NADK2: variants seen among roughly 807,000 people sequenced by gnomAD.
The protein encoded by NADK2 is NAD kinase domain-containing protein 1, mitochondrial.
In NADK2, 35 loss-of-function variants were observed where a neutral mutation model predicts 62.1. The observed-to-expected ratio is 0.56, with a 90% confidence interval of 0.43 to 0.75. NADK2 has a LOEUF of 0.75. Among genes scored for constraint, NADK2 ranks in the 30% least tolerant of loss-of-function variants. The probability of loss-of-function intolerance (pLI) is 0.00; values close to 1 mark genes in which losing one functional copy is unlikely to be tolerated. For missense variants in NADK2, 439 were observed against 561.3 expected, an observed-to-expected ratio of 0.78 and a Z score of 2.20; for synonymous variants, 205 against 207.9, an observed-to-expected ratio of 0.99 and a Z score of 0.12.
At position 36,227,490 on chromosome 5, in the gene NADK2, TA is replaced by T; in HGVS notation, c.375del (p.Ile126Ter). The T allele has an allele frequency of 6.5e-7, 1 of 1,531,116 alleles. No homozygotes were observed. Among genetic ancestry groups the T allele is most frequent in the Non-Finnish European group, 8.8e-7 (1 of 1,137,142 alleles). The allele number at this position is 1,531,116 out of a possible 1,614,324, so 94.8% of individuals were successfully genotyped here. ...CCATAGACTTACCGTAAACTATCTATAATATGTTCTACATTTTTGGTGTGAA... is the reference window on the plus strand; with the variant it reads ...CCATAGACTTACCGTAAACTATCTATATATGTTCTACATTTTTGGTGTGAA... Reference protein sequence around the residue: ...HHIHTKNVEHIIDSLRNEGIE... With the variant: ...HHIHTKNVEHXIDSLRNEGIE... On this transcript the variant is annotated frameshift_variant, in exon 2 of 12. Coordinates refer to ENST00000381937, the MANE Select transcript of NADK2 (RefSeq NM_001085411.3). LOFTEE classifies it high-confidence loss of function.
intron 8 of NADK2, among the ~76,000 whole-genome samples, chr5:36,203,780 C>G (rs1746533727): frequency 6.6e-6 from 1 of 152,072 alleles, no homozygotes. Context: ...ACACCCCTCC[C>G]CAGACAGAAG....
At chr5:36,236,452 GT>G (rs1747910836) in intron 1 of NADK2, among the ~76,000 whole-genome samples, 1 of 152,308 alleles carries the variant, frequency 6.6e-6, no homozygotes, top group South Asian at 2.1e-4. Context: ...TTGGGCTCAT[GT>G]TTTTCAAAGA....
intron 7 of NADK2, among the ~76,000 whole-genome samples, chr5:36,210,089 A>C (rs1746783698): frequency 1.3e-5 from 2 of 152,196 alleles, no homozygotes; most frequent in South Asian, 4.1e-4. Flanking sequence ...TGGAACTCTT[A>C]GTAAACTAGG....
intron 1 of NADK2, among the ~76,000 whole-genome samples, chr5:36,229,751 A>G (rs1053240856): frequency 6.6e-6 from 1 of 150,880 alleles, no homozygotes; most frequent in Non-Finnish European, 1.5e-5. Flanking sequence ...TTGGCTATCT[A>G]ACAGGCACCT....
intron 4 of NADK2, among the ~76,000 whole-genome samples, chr5:36,223,684 C>CTTAG (rs1747362714): frequency 6.6e-6 from 1 of 152,074 alleles, no homozygotes; most frequent in Non-Finnish European, 1.5e-5. Flanking sequence ...TATCACTGAT[C>CTTAG]TCTAAGGCAA....
Position 36,241,514 on chromosome 5 carries a change from C to T in NADK2, c.285G>A (p.Glu95=), listed in dbSNP as rs777112634. 81 of 1,562,622 alleles carry T rather than the reference C, an allele frequency of 5.2e-5. No homozygotes were observed. The highest frequency in any genetic ancestry group is 3.0e-4 in the Admixed American group (17 of 56,728). ...CAGGACCCACCAGCTGCTTCAGGTC[C>T]TCCTCCGAGAGCTCCGCGTAACGGT... ...QRYRYAELSE[E]DLKQLLALKG... Residue 95 remains glutamate, a synonymous_variant, in exon 1 of 12, where the codon GAG becomes GAA. Coordinates refer to ENST00000381937, the MANE Select transcript of NADK2 (RefSeq NM_001085411.3). The surrounding 1 kb of genome is among the most constrained non-coding windows in gnomAD (Gnocchi z 4.9).
rs760510194 is a variant in NADK2, at chr5:36,195,310, T to C, written c.1191-28A>G. The C allele has an allele frequency of 1.1e-5, 18 of 1,570,456 alleles. No homozygotes were observed. In the Middle Eastern group the frequency reaches 6.8e-4, roughly 60 times the overall value. Reference sequence around the variant, plus strand: ...AGGCAGAAGGAAATATCTCATTAAATAGTAATAGTTTTCTTAATAGGTTAT... The same window carrying C: ...AGGCAGAAGGAAATATCTCATTAAACAGTAATAGTTTTCTTAATAGGTTAT... On this transcript the variant is annotated intron_variant, in intron 11 of 11. Transcript: ENST00000381937.
intron 9 of NADK2, 37 bp from the exon 10 acceptor site, chr5:36,200,317 A>T: frequency 1.4e-6 from 2 of 1,408,560 alleles, no homozygotes; most frequent in Non-Finnish European, 1.9e-6. Context: ...GTATGTTATA[A>T]ATATATATAT....
At chr5:36,220,927 T>C (rs1305528175) in intron 4 of NADK2, 3 of 152,350 alleles carry the variant, frequency 2.0e-5, no homozygotes, top group Non-Finnish European at 2.9e-5. Context: ...CCTCACATCA[T>C]GGTGGCTGTC....
At chr5:36,199,149 T>A (rs1746347165) in intron 10 of NADK2, among the ~76,000 whole-genome samples, 1 of 151,854 alleles carries the variant, frequency 6.6e-6, no homozygotes, top group Non-Finnish European at 1.5e-5. Context: ...CATGTATACA[T>A]ATGTAACAAA....
intron 6 of NADK2, among the ~76,000 whole-genome samples, chr5:36,214,398 T>C (rs2112119567): frequency 6.6e-6 from 1 of 152,310 alleles, no homozygotes; most frequent in South Asian, 2.1e-4. Flanking sequence ...CAGGCTGGTC[T>C]CAAACTCCTG....
intron 5 of NADK2, among the ~76,000 whole-genome samples, chr5:36,218,492 T>C (rs1168975844): frequency 6.6e-6 from 1 of 152,198 alleles, no homozygotes; most frequent in African/African-American, 2.4e-5. Context: ...TATACAAAAA[T>C]ATACTTCCAC....
In NADK2 at chr5:36,194,334, T is replaced by TA. The variant is rs1424160737; in HGVS notation, c.*809dup. ...TACCAAACTCCTAATAGAAAATGTC[T>TA]AATCAGTTCATCCTTTTAGTCCCTG... On this transcript the variant is annotated 3_prime_UTR_variant, in exon 12 of 12. Transcript: ENST00000381937. 2 of 152,322 alleles carry TA rather than the reference T, an allele frequency of 1.3e-5. No individual in the cohort carries two copies. Among genetic ancestry groups the TA allele is most frequent in the South Asian group, 2.1e-4 (1 of 4,834 alleles). The allele number at this position is 152,322 out of a possible 1,614,324, so 9.4% of individuals were successfully genotyped here. A position where few individuals can be genotyped will look rare whatever the true frequency, so the allele number is the denominator to read the frequency against.
rs1157872967 is a variant in NADK2 at position 36,241,329 on chromosome 5, C to G, written c.300+170G>C. 1 of 1,280,736 alleles carries G rather than the reference C, an allele frequency of 7.8e-7. No individual in the cohort carries two copies. Among genetic ancestry groups the G allele is most frequent in the Non-Finnish European group, 1.0e-6 (1 of 994,878 alleles). 79.3% of individuals were successfully genotyped at this position (1,280,736 alleles called of 1,614,324 possible). ...TCTCCCTCGCACACACGCCCAAAGG[C>G]AAAGGAGGCCCAGGGAGAAGCCAGA... is the stretch of plus-strand genomic sequence containing the variant. On this transcript the variant is annotated intron_variant, in intron 1 of 11. Coordinates refer to ENST00000381937, the MANE Select transcript of NADK2 (RefSeq NM_001085411.3). The surrounding 1 kb of genome is among the most constrained non-coding windows in gnomAD (Gnocchi z 4.9).
chr5:36,209,002 G>GATAGC (rs1212424459), intron 7 of NADK2, among the ~76,000 whole-genome samples: 1 of 152,074 alleles, frequency 6.6e-6, no homozygotes, highest in African/African-American at 2.4e-5. Flanking sequence ...CATTAAATGA[G>GATAGC]ATAGCATACA....
Position 36,241,896 on chromosome 5 carries a change from C to G in NADK2, c.-98G>C. The G allele has an allele frequency of 1.0e-6, 1 of 985,936 alleles. No homozygotes were observed. Among genetic ancestry groups the G allele is most frequent in the Non-Finnish European group, 1.2e-6 (1 of 811,250 alleles). 61.1% of individuals were successfully genotyped at this position (985,936 alleles called of 1,614,324 possible). ...CCGTCCGCGCCGCCCGGGCCTCTAACTTCGCGCCGGACGGGCAGAGGTTAA... is the reference window on the plus strand; with the variant it reads ...CCGTCCGCGCCGCCCGGGCCTCTAAGTTCGCGCCGGACGGGCAGAGGTTAA... On this transcript the variant is annotated 5_prime_UTR_variant, in exon 1 of 12. Transcript: ENST00000381937. This position sits in a 1 kb window ranked among gnomAD's most constrained non-coding sequence, Gnocchi z 4.9.
chr5:36,196,797 T>C (rs1022957883), intron 11 of NADK2, among the ~76,000 whole-genome samples: 2 of 152,130 alleles, frequency 1.3e-5, no homozygotes, highest in Non-Finnish European at 2.9e-5. Context: ...AGTACACATC[T>C]GTGGATTAAT....
chr5:36,226,698 C>T, intron 2 of NADK2, 135 bp from the exon 3 acceptor site: 3 of 586,072 alleles, frequency 5.1e-6, no homozygotes, highest in Non-Finnish European at 8.9e-6. Flanking sequence ...TTACATGGAG[C>T]TTTATAACAT....
rs1366650172 is a variant in NADK2, at chr5:36,193,292, T to TG, written c.*1851dup. On this transcript the variant is annotated 3_prime_UTR_variant, in exon 12 of 12. Coordinates refer to ENST00000381937, the MANE Select transcript of NADK2 (RefSeq NM_001085411.3). ...GAGTTCGAGACCAGCCTGACCAACATGGTGAATCCCCATATCTACTAAAAA... is the reference window on the plus strand; with the variant it reads ...GAGTTCGAGACCAGCCTGACCAACATGGGTGAATCCCCATATCTACTAAAAA... 6.6e-6 allele frequency: 1 copy of TG among 151,886 alleles called. No individual in the cohort carries two copies. Among genetic ancestry groups the TG allele is most frequent in the Non-Finnish European group, 1.5e-5 (1 of 67,992 alleles). The allele number at this position is 151,886 out of a possible 1,614,324, so 9.4% of individuals were successfully genotyped here.
Sources: gnomAD v4.1 joint callset for allele counts (sites outside exome capture counted in the v4.1 genomes callset) on GRCh38, gnomAD v4.1.1 for gene constraint, Gnocchi (gnomAD v3.1) non-coding constraint, MANE v1.5 for transcripts, NCBI Gene and HGNC (gene_info 2026-07-23, HGNC 2026-07-21) for gene names.